Variants in DPYD observed in about 807,000 individuals in gnomAD.
DPYD encodes the protein dihydropyrimidine dehydrogenase [NADP(+)].
Under a neutral mutation model 116.2 loss-of-function variants are expected in DPYD, and 109 were observed. The ratio of observed to expected loss-of-function variants is 0.94; its 90% CI spans 0.80 to 1.10. The LOEUF (loss-of-function observed/expected upper bound fraction) is 1.10, where lower values mean the gene tolerates loss of function less well. Ranked by LOEUF, DPYD falls within the 50% of genes least tolerant of loss-of-function variation. DPYD has a pLI of 0.00. For synonymous variants in DPYD, 440 were observed against 432.0 expected (o/e 1.02, Z -0.23); for missense variants, 1,302 against 1,254.5 (o/e 1.04, Z -0.57).
intron 19 of DPYD, among the ~76,000 whole-genome samples, chr1:97,194,943 A>T (rs1658644057): frequency 6.6e-6 from 1 of 152,182 alleles, no homozygotes; most frequent in South Asian, 2.1e-4. Context: ...AACCCTGGGG[A>T]TTCTGTGAGT....
chr1:97,597,364 T>A (rs1325488273), intron 8 of DPYD, among the ~76,000 whole-genome samples: 1 of 152,170 alleles, frequency 6.6e-6, no homozygotes, highest in African/African-American at 2.4e-5. Context: ...TTTGATAGTC[T>A]ATGCTAATCA....
chr1:97,700,664 T>C (rs1661547195), intron 5 of DPYD, among the ~76,000 whole-genome samples: 1 of 152,024 alleles, frequency 6.6e-6, no homozygotes, highest in South Asian at 2.1e-4. Context: ...GGGTTTTTAT[T>C]TTTAAAAGTC....
At chr1:97,785,627 A>G (rs1453285736) in intron 3 of DPYD, among the ~76,000 whole-genome samples, 2 of 143,780 alleles carry the variant, frequency 1.4e-5, no homozygotes, top group Admixed American at 1.4e-4. Context: ...TTATTAATAG[A>G]TCTTTATGCT....
intron 14 of DPYD, among the ~76,000 whole-genome samples, chr1:97,400,330 G>A (rs1047372947): frequency 6.6e-6 from 1 of 152,176 alleles, no homozygotes; most frequent in East Asian, 1.9e-4. Flanking sequence ...GCTTTTTGAT[G>A]TGTTGCTGGA....
chr1:97,440,887 C>A (rs1675754829), intron 14 of DPYD, among the ~76,000 whole-genome samples: 1 of 152,090 alleles, frequency 6.6e-6, no homozygotes, highest in African/African-American at 2.4e-5. Context: ...GTGTAGACCT[C>A]CTTTTATTGT....
At chr1:97,597,918 G>C (rs570890602) in intron 8 of DPYD, among the ~76,000 whole-genome samples, 1 of 151,938 alleles carries the variant, frequency 6.6e-6, no homozygotes, top group Non-Finnish European at 1.5e-5. Flanking sequence ...TAAAAACAGA[G>C]ATAAAAATTC....
At position 97,535,233 on chromosome 1, in the gene DPYD, A is replaced by C. The variant is rs72729991; in HGVS notation, c.1524+14327T>G. Among the ~76,000 whole-genome samples, 541 of 152,296 alleles carry C rather than the reference A, an allele frequency of 3.6e-3. 8 individuals are homozygous for C. The highest frequency in any genetic ancestry group is 0.014 in the Middle Eastern group (4 of 294). Reference sequence around the variant, plus strand: ...TCAACTTTACTAAATCACTGAATTCAGAAGAACACAATTCTGGTCAAAATT... The same window carrying C: ...TCAACTTTACTAAATCACTGAATTCCGAAGAACACAATTCTGGTCAAAATT... On this transcript the variant is annotated intron_variant, in intron 12 of 22. Transcript: ENST00000370192.
At chr1:97,183,775 A>G (rs1190685179) in intron 20 of DPYD, among the ~76,000 whole-genome samples, 1 of 152,054 alleles carries the variant, frequency 6.6e-6, no homozygotes, top group Non-Finnish European at 1.5e-5. Context: ...CTTAACTTTT[A>G]TTTTAGATGC....
chr1:97,108,806 A>G (rs1651369142), intron 20 of DPYD, among the ~76,000 whole-genome samples: 1 of 152,158 alleles, frequency 6.6e-6, no homozygotes, highest in African/African-American at 2.4e-5. Flanking sequence ...CATCTGAGAC[A>G]CACTCTATAG....
Position 97,902,738 on chromosome 1 carries a change from G to A in DPYD, c.39+18146C>T, listed in dbSNP as rs141995487. On this transcript the variant is annotated intron_variant, in intron 1 of 22. Transcript: ENST00000370192. The stretch of plus-strand genomic sequence containing the variant: ...ATTAGTAACATTCAGATTCTAATGA[G>A]ATTTCTTTATTATTTTAGACACAGA... Among the ~76,000 whole-genome samples, 25 of 151,868 alleles carry A rather than the reference G, an allele frequency of 1.6e-4. No individual in the cohort carries two copies. In the East Asian group the frequency reaches 4.3e-3, roughly 26 times the overall value.
intron 13 of DPYD, among the ~76,000 whole-genome samples, chr1:97,477,864 C>T (rs1307352873): frequency 6.6e-6 from 1 of 152,090 alleles, no homozygotes; most frequent in East Asian, 1.9e-4. Flanking sequence ...TCGTGATCCA[C>T]CCGCCTCGGC....
At chr1:97,109,209 G>GTTC in intron 20 of DPYD, among the ~76,000 whole-genome samples, 1 of 152,136 alleles carries the variant, frequency 6.6e-6, no homozygotes, top group East Asian at 1.9e-4. Flanking sequence ...TAGAACCAAA[G>GTTC]TATTATTACA....
intron 1 of DPYD, among the ~76,000 whole-genome samples, chr1:97,898,629 T>C (rs1673201933): frequency 6.6e-6 from 1 of 151,774 alleles, no homozygotes; most frequent in Admixed American, 6.6e-5. Flanking sequence ...TAGGCCTGAG[T>C]TGCTCAAATC....
chr1:97,560,558 C>CAA (rs67653141), intron 11 of DPYD, among the ~76,000 whole-genome samples: 8 of 111,482 alleles, frequency 7.2e-5, no homozygotes, highest in Admixed American at 1.0e-4. Flanking sequence ...ATTCAATTAG[C>CAA]AAAAAAAAAA....
At chr1:97,082,244 T>C (rs1649206374) in intron 22 of DPYD, 86 bp downstream of exon 22, 1 of 1,564,040 alleles carries the variant, frequency 6.4e-7, no homozygotes, top group African/African-American at 1.4e-5. Flanking sequence ...GGTTTAAATT[T>C]CACACATAGC....
At chr1:97,401,410 T>C (rs921554924) in intron 14 of DPYD, among the ~76,000 whole-genome samples, 1 of 151,920 alleles carries the variant, frequency 6.6e-6, no homozygotes, top group Non-Finnish European at 1.5e-5. Context: ...GCCTCCCAGA[T>C]TCAAGCGATT....
chr1:97,619,584 C>T (rs557925032), intron 8 of DPYD, among the ~76,000 whole-genome samples: 31 of 152,190 alleles, frequency 2.0e-4, no homozygotes, highest in African/African-American at 5.8e-4. Flanking sequence ...AGGGAAACAC[C>T]GGTTACAAAG....
chr1:97,614,749 A>C (rs531894750), intron 8 of DPYD, among the ~76,000 whole-genome samples: 1 of 152,286 alleles, frequency 6.6e-6, no homozygotes, highest in South Asian at 2.1e-4. Context: ...ATTTAATGTT[A>C]CAGGTTGAAG....
intron 3 of DPYD, among the ~76,000 whole-genome samples, chr1:97,743,160 C>T (rs549016946): frequency 2.3e-4 from 35 of 152,112 alleles, no homozygotes; most frequent in African/African-American, 8.4e-4. Context: ...AATAATTCTC[C>T]TTTTATTATT....
Sources: gnomAD v4.1 joint callset for allele counts (sites outside exome capture counted in the v4.1 genomes callset) on GRCh38, gnomAD v4.1.1 for gene constraint, MANE v1.5 for transcripts, NCBI Gene and HGNC (gene_info 2026-07-23, HGNC 2026-07-21) for gene names.